RARB: variants seen among roughly 807,000 people sequenced by gnomAD.
RARB encodes the protein HBV-activated protein.
Under a neutral mutation model 51.9 loss-of-function variants are expected in RARB, and 17 were observed. The ratio of observed to expected loss-of-function variants is 0.33; its 90% CI spans 0.22 to 0.49. RARB has a LOEUF of 0.49. RARB is among the 20% of genes least tolerant of loss of function. RARB has a pLI of 0.99. For missense variants in RARB, 369 were observed against 550.8 expected, an observed-to-expected ratio of 0.67 and a Z score of 3.30; for synonymous variants, 215 against 195.4, an observed-to-expected ratio of 1.10 and a Z score of -0.84.
intron 5 of RARB, among the ~76,000 whole-genome samples, chr3:25,223,508 T>G (rs568640897): frequency 1.3e-5 from 2 of 152,218 alleles, no homozygotes; most frequent in African/African-American, 4.8e-5. Flanking sequence ...TACTTTACAA[T>G]GACAAGCTTG....
chr3:25,566,036 C>T (rs1280452739), intron 3 of RARB, among the ~76,000 whole-genome samples: 1 of 152,194 alleles, frequency 6.6e-6, no homozygotes, highest in African/African-American at 2.4e-5. Context: ...CCCCAGGAGC[C>T]ACTGACCACG....
chr3:25,214,507 T>A (rs1701772621), intron 5 of RARB, among the ~76,000 whole-genome samples: 2 of 152,234 alleles, frequency 1.3e-5, no homozygotes, highest in South Asian at 4.1e-4. Flanking sequence ...TAAATATAAA[T>A]ACATAAAATA....
chr3:24,890,790 G>A (rs1343044701), intron 2 of RARB, among the ~76,000 whole-genome samples: 1 of 152,006 alleles, frequency 6.6e-6, no homozygotes, highest in Non-Finnish European at 1.5e-5. Context: ...TTTTGGGTGG[G>A]TTCTTCCTAC....
chr3:25,512,626 A>G (rs1365731342), intron 3 of RARB, among the ~76,000 whole-genome samples: 3 of 152,168 alleles, frequency 2.0e-5, no homozygotes, highest in Non-Finnish European at 4.4e-5. Flanking sequence ...TCTGCCTGCA[A>G]TGCCTTTCCC....
intron 2 of RARB, among the ~76,000 whole-genome samples, chr3:24,976,381 C>T (rs747155994): frequency 2.0e-5 from 3 of 152,178 alleles, no homozygotes; most frequent in Non-Finnish European, 4.4e-5. Context: ...TTTACATTCC[C>T]ACCAACAATG....
chr3:25,364,362 G>C (rs1706046924), intron 5 of RARB, among the ~76,000 whole-genome samples: 1 of 152,146 alleles, frequency 6.6e-6, no homozygotes, highest in South Asian at 2.1e-4. Flanking sequence ...AAACAACACT[G>C]GCTCACAGCC....
intron 5 of RARB, among the ~76,000 whole-genome samples, chr3:25,191,948 G>T (rs1291926451): frequency 2.6e-5 from 4 of 152,108 alleles, no homozygotes; most frequent in Non-Finnish European, 5.9e-5. Flanking sequence ...GTGGAGAAGA[G>T]AGTCTCTTAG....
At chr3:24,903,194 T>TA (rs1273348061) in intron 2 of RARB, among the ~76,000 whole-genome samples, 2 of 152,146 alleles carry the variant, frequency 1.3e-5, no homozygotes, top group Admixed American at 6.5e-5. Context: ...AGTGATTTTT[T>TA]ATCTCTTACA....
At chr3:25,504,976 A>G (rs948849637) in intron 3 of RARB, among the ~76,000 whole-genome samples, 9 of 151,998 alleles carry the variant, frequency 5.9e-5, no homozygotes, top group African/African-American at 2.2e-4. Context: ...CAGGCTATTC[A>G]TCATGTTGGC....
At chr3:25,403,886 T>TAAAAAAAAAAAAA (rs546197894) in intron 5 of RARB, among the ~76,000 whole-genome samples, 1 of 88,368 alleles carries the variant, frequency 1.1e-5, no homozygotes, top group African/African-American at 4.8e-5. Context: ...TTTCTTTTTC[T>TAAAAAAAAAAAAA]AAAAAAAAAA....
At chr3:25,436,035 G>T (rs1708422995) in intron 1 of RARB, among the ~76,000 whole-genome samples, 2 of 152,180 alleles carry the variant, frequency 1.3e-5, no homozygotes, top group African/African-American at 4.8e-5. Context: ...TACTACATTT[G>T]TTAGAACTCA....
At chr3:25,269,409 G>T (rs1337986789) in intron 5 of RARB, among the ~76,000 whole-genome samples, 1 of 152,154 alleles carries the variant, frequency 6.6e-6, no homozygotes, top group Non-Finnish European at 1.5e-5. Context: ...AAAAACTCTG[G>T]AGTCCAACTA....
At chr3:25,556,283 A>T (rs1029603811) in intron 3 of RARB, among the ~76,000 whole-genome samples, 3 of 152,168 alleles carry the variant, frequency 2.0e-5, no homozygotes, top group African/African-American at 7.2e-5. Flanking sequence ...TGATAAGTTC[A>T]CTCAGGGGAA....
intron 5 of RARB, among the ~76,000 whole-genome samples, chr3:25,359,822 G>A (rs1252898564): frequency 1.3e-5 from 2 of 152,182 alleles, no homozygotes; most frequent in Non-Finnish European, 2.9e-5. Flanking sequence ...TAATGTGATT[G>A]TACTGTGGTC....
intron 2 of RARB, among the ~76,000 whole-genome samples, chr3:24,921,978 G>A (rs900409723): frequency 2.6e-5 from 4 of 152,176 alleles, no homozygotes; most frequent in Non-Finnish European, 5.9e-5. Context: ...GATCTCAGCG[G>A]ACAGTACTGT....
chr3:25,044,195 T>C (rs1698168567), intron 2 of RARB, among the ~76,000 whole-genome samples: 1 of 152,216 alleles, frequency 6.6e-6, no homozygotes, highest in African/African-American at 2.4e-5. Context: ...GTTAAATGCC[T>C]CACATTTTCC....
chr3:25,540,032 G>A (rs1344381746), intron 3 of RARB, among the ~76,000 whole-genome samples: 5 of 152,090 alleles, frequency 3.3e-5, no homozygotes, highest in African/African-American at 9.7e-5. Flanking sequence ...AGTATGCCCA[G>A]CTTTGGTTCT....
At chr3:25,513,469 A>T (rs1251961023) in intron 3 of RARB, among the ~76,000 whole-genome samples, 3 of 152,182 alleles carry the variant, frequency 2.0e-5, no homozygotes, top group Non-Finnish European at 4.4e-5. Context: ...CCAAGAAAAC[A>T]TTAGGTCTTA....
At chr3:25,196,506 T>A (rs1298399891) in intron 5 of RARB, among the ~76,000 whole-genome samples, 1 of 152,184 alleles carries the variant, frequency 6.6e-6, no homozygotes, top group African/African-American at 2.4e-5. Context: ...GTCTTTGCTA[T>A]TGTGAATAGT....
Sources: allele counts gnomAD v4.1 joint callset (sites outside exome capture counted in the v4.1 genomes callset), GRCh38; gene constraint gnomAD v4.1.1; transcripts MANE v1.5; gene names NCBI Gene and HGNC (gene_info 2026-07-23, HGNC 2026-07-21).